PPP2R5E: variants seen among roughly 807,000 people sequenced by gnomAD.
PPP2R5E encodes the protein serine/threonine-protein phosphatase 2A 56 kDa regulatory subunit epsilon isoform.
In PPP2R5E, 4 loss-of-function variants were observed where a neutral mutation model predicts 65.3. That is an observed-to-expected ratio of 0.06 (90% CI 0.03 to 0.14). The LOEUF (loss-of-function observed/expected upper bound fraction) is 0.14, where lower values mean the gene tolerates loss of function less well. Ranked by LOEUF, PPP2R5E falls within the 10% of genes least tolerant of loss-of-function variation. The pLI is 1.00. For missense variants in PPP2R5E, 274 were observed against 556.1 expected (o/e 0.49, Z 5.10); for synonymous variants, 183 against 187.4 (o/e 0.98, Z 0.19).
At chr14:63,467,222 C>CAAAAAAAAAAAAAAAAAAAAAAAAAAAAA (rs767892639) in intron 2 of PPP2R5E, among the ~76,000 whole-genome samples, 1 of 114,382 alleles carries the variant, frequency 8.7e-6, no homozygotes, top group Non-Finnish European at 1.7e-5. Context: ...GACTCCGTCT[C>CAAAAAAAAAAAAAAAAAAAAAAAAAAAAA]AAAAAAAACA....
intron 5 of PPP2R5E, among the ~76,000 whole-genome samples, chr14:63,401,977 A>AC (rs149606239): frequency 0.039 from 5,967 of 151,780 alleles, 415 homozygotes; most frequent in African/African-American, 0.14. Flanking sequence ...TCTGTAGAAG[A>AC]CCCCCCAGAT....
At chr14:63,383,362 T>C (rs988040617) in intron 12 of PPP2R5E, among the ~76,000 whole-genome samples, 1 of 152,244 alleles carries the variant, frequency 6.6e-6, no homozygotes, top group Non-Finnish European at 1.5e-5. Flanking sequence ...ACTTGCTGTG[T>C]AGCTTCTGCC....
intron 2 of PPP2R5E, among the ~76,000 whole-genome samples, chr14:63,506,464 G>GTAA (rs565460280): frequency 6.6e-6 from 1 of 151,832 alleles, no homozygotes; most frequent in African/African-American, 2.4e-5. Flanking sequence ...AAAGAAAAAA[G>GTAA]TAATAATAAT....
At chr14:63,458,568 CATT>C (rs1016744647) in intron 2 of PPP2R5E, among the ~76,000 whole-genome samples, 28 of 152,126 alleles carry the variant, frequency 1.8e-4, no homozygotes, top group African/African-American at 6.5e-4. Flanking sequence ...AGGCCTACAT[CATT>C]ATATTTATTA....
At chr14:63,529,657 G>C (rs1198960575) in intron 2 of PPP2R5E, among the ~76,000 whole-genome samples, 1 of 152,076 alleles carries the variant, frequency 6.6e-6, no homozygotes, top group African/African-American at 2.4e-5. Context: ...GATTACAGGC[G>C]TGAGCCACTG....
At chr14:63,429,661 GT>G (rs1887518545) in intron 3 of PPP2R5E, among the ~76,000 whole-genome samples, 1 of 151,144 alleles carries the variant, frequency 6.6e-6, no homozygotes, top group South Asian at 2.1e-4. Flanking sequence ...ATGGTTTTTT[GT>G]TTGTTTGTTT....
intron 2 of PPP2R5E, among the ~76,000 whole-genome samples, chr14:63,462,196 G>A (rs976327361): frequency 1.3e-5 from 2 of 151,742 alleles, no homozygotes; most frequent in South Asian, 2.1e-4. Flanking sequence ...TCAGCTTCCC[G>A]AGTAGCTGGG....
At chr14:63,529,168 C>T (rs748588384) in intron 2 of PPP2R5E, among the ~76,000 whole-genome samples, 3 of 152,100 alleles carry the variant, frequency 2.0e-5, no homozygotes, top group Non-Finnish European at 4.4e-5. Flanking sequence ...CACTATGTTG[C>T]CCAGGTTGAT....
At position 63,375,452 on chromosome 14, in the gene PPP2R5E, T is replaced by C. The variant is rs1417491971; in HGVS notation, c.*557A>G. On this transcript the variant is annotated 3_prime_UTR_variant, in exon 14 of 14. Coordinates refer to ENST00000337537, the MANE Select transcript of PPP2R5E (RefSeq NM_006246.5). ...AAACAAAACTTTTATCAGGGACTTT[T>C]ATAATTCATGACCCCATTCCACGTG... 1 of 152,626 alleles carries C rather than the reference T, an allele frequency of 6.6e-6. No individual in the cohort carries two copies. Among genetic ancestry groups the C allele is most frequent in the Admixed American group, 6.5e-5 (1 of 15,278 alleles). The allele number at this position is 152,626 out of a possible 1,614,324, so 9.5% of individuals were successfully genotyped here.
rs569493123 is a variant in PPP2R5E at position 63,398,683 on chromosome 14, G to A, written c.550-1967C>T. 1.3e-3 allele frequency among the ~76,000 whole-genome samples: 191 copies of A among 152,218 alleles called. 2 individuals are homozygous for A. Among genetic ancestry groups the A allele is most frequent in the African/African-American group, 4.2e-3 (173 of 41,536 alleles). On this transcript the variant is annotated intron_variant, in intron 5 of 13. Transcript: ENST00000337537. ...CACATGCCTGTAATCCCAGGTATTC[G>A]GGAGGCTGAGGCAGAAGAATTGCTT...
chr14:63,453,658 A>G (rs1888975230), intron 3 of PPP2R5E, 31 bp downstream of exon 3: 5 of 1,600,654 alleles, frequency 3.1e-6, no homozygotes, highest in Non-Finnish European at 4.3e-6. Flanking sequence ...AAGATGCTTA[A>G]AAGTGTCCGC....
intron 2 of PPP2R5E, among the ~76,000 whole-genome samples, chr14:63,512,730 T>A (rs537118914): frequency 7.2e-4 from 110 of 152,200 alleles, no homozygotes; most frequent in Middle Eastern, 3.4e-3. Flanking sequence ...AAATAAAAAA[T>A]TTTTTAAAAC....
intron 3 of PPP2R5E, chr14:63,451,919 A>G (rs1888855449): frequency 6.6e-6 from 1 of 152,194 alleles, no homozygotes; most frequent in Admixed American, 6.5e-5. Flanking sequence ...AAATAAGTAT[A>G]CAGATGTCCT....
chr14:63,409,125 C>A (rs1711541819), intron 5 of PPP2R5E, among the ~76,000 whole-genome samples: 1 of 152,044 alleles, frequency 6.6e-6, no homozygotes, highest in African/African-American at 2.4e-5. Flanking sequence ...CCCAGCTACT[C>A]AGGAGGCCGA....
intron 12 of PPP2R5E, 25 bp downstream of exon 12, chr14:63,384,419 C>T (rs745721033): frequency 3.1e-6 from 5 of 1,602,664 alleles, no homozygotes; most frequent in Admixed American, 1.7e-5. Context: ...AGGAAGAGAA[C>T]GGAGGAAAGA....
intron 2 of PPP2R5E, among the ~76,000 whole-genome samples, chr14:63,497,751 AAAAC>A (rs1054916641): frequency 6.9e-6 from 1 of 145,704 alleles, no homozygotes; most frequent in African/African-American, 2.7e-5. Flanking sequence ...CCATCTCAAA[AAAAC>A]AAACAAACAA....
In PPP2R5E at chr14:63,539,513, T is replaced by C. The variant is rs878891483; in HGVS notation, c.157+16A>G. Reference sequence around the variant, plus strand: ...ATCAATTGAAAAAGAATGCATCACCTGGTCATGAGCCTTACCTTTTAGCAG... The same window carrying C: ...ATCAATTGAAAAAGAATGCATCACCCGGTCATGAGCCTTACCTTTTAGCAG... On this transcript the variant is annotated intron_variant, in intron 2 of 13. Coordinates refer to ENST00000337537, the MANE Select transcript of PPP2R5E (RefSeq NM_006246.5). The C allele has an allele frequency of 4.4e-6, 7 of 1,604,650 alleles. No homozygotes were observed. The highest frequency in any genetic ancestry group is 1.1e-5 in the South Asian group (1 of 89,574).
chr14:63,374,208 A>G lies in PPP2R5E; in HGVS notation c.*1801T>C, dbSNP rs1883851325. On this transcript the variant is annotated 3_prime_UTR_variant, in exon 14 of 14. Coordinates refer to ENST00000337537, the MANE Select transcript of PPP2R5E (RefSeq NM_006246.5). ...ACACTGTGACCTGATCATCCTGAAA[A>G]ACTTTATGGGGGAGAAAGGTCAGCA... 1 of 151,888 alleles carries G rather than the reference A, an allele frequency of 6.6e-6. No homozygotes were observed. Among genetic ancestry groups the G allele is most frequent in the African/African-American group, 2.4e-5 (1 of 41,334 alleles). 9.4% of individuals were successfully genotyped at this position (151,888 alleles called of 1,614,324 possible).
intron 2 of PPP2R5E, among the ~76,000 whole-genome samples, chr14:63,457,243 A>G (rs939684455): frequency 6.6e-6 from 1 of 152,374 alleles, no homozygotes; most frequent in African/African-American, 2.4e-5. Context: ...ATCTCTGAGT[A>G]GTCCAGAAGG....
Sources: gnomAD v4.1 joint callset for allele counts (sites outside exome capture counted in the v4.1 genomes callset) on GRCh38, gnomAD v4.1.1 for gene constraint, MANE v1.5 for transcripts, NCBI Gene and HGNC (gene_info 2026-07-23, HGNC 2026-07-21) for gene names.